ADK: variants seen among roughly 807,000 people sequenced by gnomAD.
ADK encodes the protein N6,N6-dimethyladenosine kinase.
Under a neutral mutation model 44.7 loss-of-function variants are expected in ADK, and 24 were observed. The observed-to-expected ratio is 0.54, with a 90% CI of 0.39 to 0.76. The LOEUF (loss-of-function observed/expected upper bound fraction) is 0.76, where lower values mean the gene tolerates loss of function less well. Ranked by LOEUF, ADK falls within the 30% of genes least tolerant of loss-of-function variation. The pLI is 0.00. For missense variants in ADK, 321 were observed against 425.1 expected, an observed-to-expected ratio of 0.76 and a Z score of 2.15; for synonymous variants, 128 against 142.6, an observed-to-expected ratio of 0.90 and a Z score of 0.73.
In ADK at chr10:74,671,038, T is replaced by TAAAAAAAAAAA. The variant is rs10670267; in HGVS notation, c.964+777_964+787dup. On this transcript the variant is annotated intron_variant, in intron 10 of 10. Transcript: ENST00000539909. ...AACATCAAGCCAGACCAGGTTAATT[T>TAAAAAAAAAAA]AAAAAAAAAAAAAAAAAAGCAAGCA... Among the ~76,000 whole-genome samples, 37 of 99,088 alleles carry TAAAAAAAAAAA rather than the reference T, an allele frequency of 3.7e-4. 2 individuals carry two copies. Among genetic ancestry groups the TAAAAAAAAAAA allele is most frequent in the African/African-American group, 5.2e-4 (13 of 25,094 alleles). 65.0% of individuals were successfully genotyped at this position (99,088 alleles called of 152,430 possible).
intron 7 of ADK, among the ~76,000 whole-genome samples, chr10:74,578,760 C>T (rs1851280162): frequency 6.6e-6 from 1 of 152,006 alleles, no homozygotes; most frequent in Non-Finnish European, 1.5e-5. Flanking sequence ...AAGAAAATTA[C>T]AGTAATATAG....
chr10:74,277,172 C>T (rs1187504546), intron 3 of ADK, among the ~76,000 whole-genome samples: 1 of 152,168 alleles, frequency 6.6e-6, no homozygotes, highest in African/African-American at 2.4e-5. Flanking sequence ...CCCTCCTCAG[C>T]CTCCCAAAAT....
intron 2 of ADK, among the ~76,000 whole-genome samples, chr10:74,217,872 A>T (rs1383897742): frequency 6.6e-6 from 1 of 152,112 alleles, no homozygotes; most frequent in Non-Finnish European, 1.5e-5. Flanking sequence ...ACCCATCTGT[A>T]CATCACCATC....
At chr10:74,319,168 G>A (rs763371170) in intron 4 of ADK, among the ~76,000 whole-genome samples, 13 of 152,110 alleles carry the variant, frequency 8.5e-5, no homozygotes, top group Non-Finnish European at 1.5e-4. Flanking sequence ...CTGTGGTTAC[G>A]TTATTTTTTT....
chr10:74,240,380 GTGTGTGTGTGTGTGTGTGTGTC>G (rs1845161666), intron 3 of ADK, among the ~76,000 whole-genome samples: 2 of 138,854 alleles, frequency 1.4e-5, no homozygotes, highest in Non-Finnish European at 1.5e-5. Flanking sequence ...TTTTGTGTGT[GTGTGTGTGTGTGTGTGTGTGTC>G]TGTGTGTGTG....
intron 6 of ADK, among the ~76,000 whole-genome samples, chr10:74,472,792 C>T (rs1379529175): frequency 6.6e-6 from 1 of 152,134 alleles, no homozygotes; most frequent in Admixed American, 6.5e-5. Context: ...AAAGTGGTCT[C>T]ATATAAAGAA....
At chr10:74,562,980 C>A (rs1483746977) in intron 7 of ADK, among the ~76,000 whole-genome samples, 3 of 152,094 alleles carry the variant, frequency 2.0e-5, no homozygotes, top group Non-Finnish European at 2.9e-5. Flanking sequence ...TTGGTTTTCA[C>A]TTAGAACAAA....
At chr10:74,467,797 G>A (rs1846416592) in intron 6 of ADK, among the ~76,000 whole-genome samples, 2 of 151,806 alleles carry the variant, frequency 1.3e-5, no homozygotes, top group Non-Finnish European at 2.9e-5. Context: ...TTATGCCTTG[G>A]AATCACAATG....
intron 4 of ADK, among the ~76,000 whole-genome samples, chr10:74,315,943 A>G (rs941656254): frequency 5.3e-5 from 8 of 152,188 alleles, no homozygotes; most frequent in Admixed American, 1.3e-4. Flanking sequence ...GTAATAGAAA[A>G]AGGATGATTT....
chr10:74,405,869 T>C (rs1418045367), intron 6 of ADK, among the ~76,000 whole-genome samples: 1 of 152,140 alleles, frequency 6.6e-6, no homozygotes, highest in Non-Finnish European at 1.5e-5. Flanking sequence ...TTCTATTTTT[T>C]TTTCCTCTTA....
chr10:74,654,592 C>T, intron 9 of ADK, among the ~76,000 whole-genome samples: 1 of 152,186 alleles, frequency 6.6e-6, no homozygotes, highest in East Asian at 1.9e-4. Flanking sequence ...GGGCAGATCA[C>T]TTCAGTTCAG....
chr10:74,577,840 T>C (rs1249780816), intron 7 of ADK, among the ~76,000 whole-genome samples: 1 of 152,196 alleles, frequency 6.6e-6, no homozygotes, highest in African/African-American at 2.4e-5. Context: ...AAGTTCATAT[T>C]CATCTAGAAC....
chr10:74,518,240 G>A (rs1306551734), intron 6 of ADK, among the ~76,000 whole-genome samples: 1 of 152,206 alleles, frequency 6.6e-6, no homozygotes, highest in Non-Finnish European at 1.5e-5. Flanking sequence ...CAGAACAGAC[G>A]ACAGTGATAC....
rs142303972 is a variant in ADK at position 74,563,558 on chromosome 10, C to G, written c.727-25724C>G. Reference sequence around the variant, plus strand: ...TTATAAAATGTCCTCAAGGAACTTTCTTAAATCTGAGTTCCAAAGGGCCAT... The same window carrying G: ...TTATAAAATGTCCTCAAGGAACTTTGTTAAATCTGAGTTCCAAAGGGCCAT... On this transcript the variant is annotated intron_variant, in intron 7 of 10. Transcript: ENST00000539909. 3.5e-3 allele frequency among the ~76,000 whole-genome samples: 538 copies of G among 152,250 alleles called. 3 individuals carry two copies. Among genetic ancestry groups the G allele is most frequent in the African/African-American group, 0.012 (505 of 41,558 alleles).
At chr10:74,395,913 A>T (rs1843489467) in intron 5 of ADK, among the ~76,000 whole-genome samples, 1 of 152,138 alleles carries the variant, frequency 6.6e-6, no homozygotes. Context: ...CGGGAGACGA[A>T]AGTAGGAGAA....
chr10:74,343,491 C>T (rs1286463831), intron 4 of ADK, among the ~76,000 whole-genome samples: 2 of 152,120 alleles, frequency 1.3e-5, no homozygotes, highest in Non-Finnish European at 2.9e-5. Flanking sequence ...AGAGGAGGAA[C>T]TGGTTTTGCT....
chr10:74,273,764 C>T (rs575483725), intron 3 of ADK, among the ~76,000 whole-genome samples: 58 of 152,134 alleles, frequency 3.8e-4, no homozygotes, highest in African/African-American at 1.3e-3. Context: ...GGCCTCTCCC[C>T]GAATTTCTTT....
chr10:74,184,241 A>G (rs1320298032), intron 1 of ADK, among the ~76,000 whole-genome samples: 2 of 152,200 alleles, frequency 1.3e-5, no homozygotes, highest in Non-Finnish European at 2.9e-5. Flanking sequence ...TTTAAATGGC[A>G]AAGCTAGGTT....
At chr10:74,645,996 C>G (rs1854041905) in intron 9 of ADK, among the ~76,000 whole-genome samples, 1 of 152,174 alleles carries the variant, frequency 6.6e-6, no homozygotes, top group Non-Finnish European at 1.5e-5. Context: ...ATCTTATTAA[C>G]AGAGGATAGA....
Sources: gnomAD v4.1 joint callset for allele counts (sites outside exome capture counted in the v4.1 genomes callset) on GRCh38, gnomAD v4.1.1 for gene constraint, MANE v1.5 for transcripts, NCBI Gene and HGNC (gene_info 2026-07-23, HGNC 2026-07-21) for gene names.